The following SSR1 variants were observed in gnomAD, a reference collection of about 807,000 sequenced individuals.
The protein encoded by SSR1 is translocon-associated protein subunit alpha.
In SSR1, 13 loss-of-function variants were observed where a neutral mutation model predicts 36.1. That is an observed-to-expected ratio of 0.36 (90% CI 0.23 to 0.57). The LOEUF (loss-of-function observed/expected upper bound fraction) is 0.57, where lower values mean the gene tolerates loss of function less well. Ranked by LOEUF, SSR1 falls within the 20% of genes least tolerant of loss-of-function variation. The pLI is 0.81. For synonymous variants in SSR1, 113 were observed against 118.9 expected, an observed-to-expected ratio of 0.95 and a Z score of 0.32; for missense variants, 291 against 338.5, an observed-to-expected ratio of 0.86 and a Z score of 1.10.
Position 7,309,960 on chromosome 6 carries a change from T to C in SSR1, c.149A>G (p.Glu50Gly). The C allele has an allele frequency of 6.2e-7, 1 of 1,614,048 alleles. No individual in the cohort carries two copies. The highest frequency in any genetic ancestry group is 8.5e-7 in the Non-Finnish European group (1 of 1,179,994). The change falls in exon 2 of 8, where the codon GAA becomes GGA. Residue 50 changes from glutamate (E) to glycine (G), a missense_variant. By Grantham distance (98) the Glu-to-Gly change is moderately conservative. Transcript: ENST00000244763. ...ETVEDSIIED[E>G]DDEAEVEEDE... is the part of the protein sequence containing the mutation. ...TTCTTCTACCTCGGCTTCATCATCT[T>C]CATCCTCAATTATGGAATCTTCTAC...
chr6:7,310,186 T>C (rs1390012394), intron 1 of SSR1, among the ~76,000 whole-genome samples, 157 bp from the exon 2 acceptor site: 1 of 152,072 alleles, frequency 6.6e-6, no homozygotes, highest in Non-Finnish European at 1.5e-5. Flanking sequence ...AGAATATTTA[T>C]ATTTTAGTTT....
intron 7 of SSR1, chr6:7,295,095 A>G: frequency 1.3e-6 from 2 of 1,523,966 alleles, no homozygotes; most frequent in Non-Finnish European, 1.7e-6. Context: ...CACCTCTTCT[A>G]CTCTGCACTG....
rs1757576190 is a variant in SSR1, at chr6:7,287,279, C to A, written c.*2585G>T. 6.6e-6 allele frequency: 1 copy of A among 152,166 alleles called. No individual in the cohort carries two copies. Among genetic ancestry groups the A allele is most frequent in the Admixed American group, 6.5e-5 (1 of 15,278 alleles). The allele number at this position is 152,166 out of a possible 1,614,324, so 9.4% of individuals were successfully genotyped here. ...CATGATACAGTTCTAGGCTGATGTG[C>A]CACAAATGCACTTTTAAGGCAGTAG... On this transcript the variant is annotated 3_prime_UTR_variant, in exon 8 of 8. Coordinates refer to ENST00000244763, the MANE Select transcript of SSR1 (RefSeq NM_003144.5).
intron 6 of SSR1, 74 bp from the exon 7 acceptor site, chr6:7,295,559 G>A (rs1757776947): frequency 8.7e-7 from 1 of 1,155,038 alleles, no homozygotes; most frequent in African/African-American, 1.6e-5. Flanking sequence ...AAAAAGAGTT[G>A]AGGTCTTGCT....
chr6:7,284,309 A>C lies in SSR1; in HGVS notation c.*5555T>G, dbSNP rs1333161720. The C allele has an allele frequency of 6.6e-6, 1 of 151,662 alleles. No homozygotes were observed. The highest frequency in any genetic ancestry group is 1.5e-5 in the Non-Finnish European group (1 of 67,944). 9.4% of individuals were successfully genotyped at this position (151,662 alleles called of 1,614,324 possible). On this transcript the variant is annotated 3_prime_UTR_variant, in exon 8 of 8. Coordinates refer to ENST00000244763, the MANE Select transcript of SSR1 (RefSeq NM_003144.5). ...GTAAGAGATTTATTACAAAACAAAA[A>C]CTCCCCTTGCCAGCCTTATTACTCT...
rs887197182 is a variant in SSR1, at chr6:7,281,824, G to C, written c.*8040C>G. On this transcript the variant is annotated 3_prime_UTR_variant, in exon 8 of 8. Transcript: ENST00000244763. ...TTGGTTTGGCGTTACAATAAACACTGTAAGTGAAAATGAGTCACAGGCAGT... is the reference window on the plus strand; with the variant it reads ...TTGGTTTGGCGTTACAATAAACACTCTAAGTGAAAATGAGTCACAGGCAGT... The C allele has an allele frequency of 6.6e-6, 1 of 152,242 alleles. No individual in the cohort carries two copies. Among genetic ancestry groups the C allele is most frequent in the Admixed American group, 6.5e-5 (1 of 15,274 alleles). The allele number at this position is 152,242 out of a possible 1,614,324, so 9.4% of individuals were successfully genotyped here.
Position 7,284,280 on chromosome 6 carries a change from A to G in SSR1, c.*5584T>C, listed in dbSNP as rs1399477362. Reference sequence around the variant, plus strand: ...TGTTTTTAAAAAGAACTGGATGTGCAGGTGTAAGAGATTTATTACAAAACA... The same window carrying G: ...TGTTTTTAAAAAGAACTGGATGTGCGGGTGTAAGAGATTTATTACAAAACA... On this transcript the variant is annotated 3_prime_UTR_variant, in exon 8 of 8. Transcript: ENST00000244763. 2.0e-5 allele frequency: 3 copies of G among 152,212 alleles called. No homozygotes were observed. Among genetic ancestry groups the G allele is most frequent in the South Asian group, 2.1e-4 (1 of 4,836 alleles). 9.4% of individuals were successfully genotyped at this position (152,212 alleles called of 1,614,324 possible). A position where few individuals can be genotyped will look rare whatever the true frequency, so the allele number is the denominator to read the frequency against.
rs1453938071 is a variant in SSR1, at chr6:7,288,812, A to C, written c.*1052T>G. On this transcript the variant is annotated 3_prime_UTR_variant, in exon 8 of 8. Transcript: ENST00000244763. ...CAAGCACTTAAGAACAATTTTTGGA[A>C]TCTTTCAGGTTAACTAAAAAGGTTA... 2 of 152,458 alleles carry C rather than the reference A, an allele frequency of 1.3e-5. No homozygotes were observed. The highest frequency in any genetic ancestry group is 2.9e-5 in the Non-Finnish European group (2 of 68,028). The allele number at this position is 152,458 out of a possible 1,614,324, so 9.4% of individuals were successfully genotyped here.
chr6:7,304,513 GA>G (rs1174180816), intron 2 of SSR1, among the ~76,000 whole-genome samples: 11 of 146,752 alleles, frequency 7.5e-5, no homozygotes, highest in African/African-American at 5.0e-5. Context: ...AATTTTGAAG[GA>G]AAAAAAAAAG....
chr6:7,303,784 G>A (rs1216181663), intron 2 of SSR1, 147 bp from the exon 3 acceptor site: 3 of 563,288 alleles, frequency 5.3e-6, no homozygotes, highest in Admixed American at 3.0e-5. Context: ...TCAGGAGCTC[G>A]AGACCAGCCT....
intron 2 of SSR1, 172 bp downstream of exon 2, chr6:7,309,745 T>G (rs1819249): frequency 0.16 from 101,122 of 616,006 alleles, 9,171 homozygotes; most frequent in African/African-American, 0.22. Context: ...CTTCAATTTC[T>G]GCCATGATGG....
At chr6:7,306,911 T>C (rs1020048400) in intron 2 of SSR1, among the ~76,000 whole-genome samples, 55 of 114,342 alleles carry the variant, frequency 4.8e-4, no homozygotes, top group South Asian at 9.5e-4. Context: ...AGCGAGACTC[T>C]GTCTGGGTGG....
At chr6:7,301,985 T>G (rs1757946204) in intron 3 of SSR1, among the ~76,000 whole-genome samples, 1 of 152,222 alleles carries the variant, frequency 6.6e-6, no homozygotes, top group African/African-American at 2.4e-5. Context: ...GAGTTTCATC[T>G]GAAAACTAGC....
At chr6:7,308,298 A>T (rs1205494986) in intron 2 of SSR1, among the ~76,000 whole-genome samples, 1 of 152,164 alleles carries the variant, frequency 6.6e-6, no homozygotes, top group African/African-American at 2.4e-5. Context: ...AAAAACACCA[A>T]TAAAATAGCA....
intron 3 of SSR1, among the ~76,000 whole-genome samples, 198 bp from the exon 4 acceptor site, chr6:7,301,770 C>G (rs1190157968): frequency 6.6e-6 from 1 of 152,150 alleles, no homozygotes; most frequent in East Asian, 1.9e-4. Flanking sequence ...TTTGTCTGTA[C>G]GCTAGCACTC....
At chr6:7,303,275 C>A (rs1270748605) in intron 3 of SSR1, among the ~76,000 whole-genome samples, 1 of 151,310 alleles carries the variant, frequency 6.6e-6, no homozygotes, top group African/African-American at 2.4e-5. Context: ...TGCAGTGAGT[C>A]GAGAGGGGGC....
intron 7 of SSR1, among the ~76,000 whole-genome samples, chr6:7,294,486 G>A (rs1023979966): frequency 1.3e-5 from 2 of 152,040 alleles, no homozygotes; most frequent in Non-Finnish European, 1.5e-5. Context: ...TCAGGAGGTC[G>A]AAGCCAGCCA....
chr6:7,308,276 A>C (rs1214467355), intron 2 of SSR1, among the ~76,000 whole-genome samples: 2 of 152,248 alleles, frequency 1.3e-5, no homozygotes, highest in Non-Finnish European at 2.9e-5. Context: ...AGAAGCATAA[A>C]AATGATAACT....
At chr6:7,309,783 G>A (rs1410537265) in intron 2 of SSR1, 134 bp downstream of exon 2, 1 of 746,026 alleles carries the variant, frequency 1.3e-6, no homozygotes, top group Non-Finnish European at 2.3e-6. Flanking sequence ...CCCCAGTCAT[G>A]CTGAACTGTG....
Sources: gnomAD v4.1 joint callset for allele counts (sites outside exome capture counted in the v4.1 genomes callset) on GRCh38, gnomAD v4.1.1 for gene constraint, MANE v1.5 for transcripts, NCBI Gene and HGNC (gene_info 2026-07-23, HGNC 2026-07-21) for gene names.